NAV2: variants seen among roughly 807,000 people sequenced by gnomAD.
NAV2 encodes the protein neuron navigator 2.
In NAV2, 54 loss-of-function variants were observed where a neutral mutation model predicts 223.2. The observed-to-expected ratio is 0.24, with a 90% CI of 0.19 to 0.30. The LOEUF (loss-of-function observed/expected upper bound fraction) is 0.30, where lower values mean the gene tolerates loss of function less well. Ranked by LOEUF, NAV2 falls within the 10% of genes least tolerant of loss-of-function variation. The probability of loss-of-function intolerance (pLI) is 1.00; values close to 1 mark genes in which losing one functional copy is unlikely to be tolerated. For synonymous variants in NAV2, 1,279 were observed against 1,239.3 expected (o/e 1.03, Z -0.67); for missense variants, 2,806 against 3,147.5 (o/e 0.89, Z 2.60).
chr11:19,497,551 C>T (rs2403494), intron 1 of NAV2, among the ~76,000 whole-genome samples: 51,659 of 152,040 alleles, frequency 0.34, 9,205 homozygotes, highest in South Asian at 0.4. Flanking sequence ...CCCAGGCTCT[C>T]TTCCTATTTT....
At position 20,072,192 on chromosome 11, in the gene NAV2, G is replaced by A. The variant is rs560575694; in HGVS notation, c.4983+3794G>A. On this transcript the variant is annotated intron_variant, in intron 22 of 37. Transcript: ENST00000349880. ...TTTGCCAACACCATTTATTAAATAGGGAATCCTTTCCCCATTGCTTGTTTT... is the reference window on the plus strand; with the variant it reads ...TTTGCCAACACCATTTATTAAATAGAGAATCCTTTCCCCATTGCTTGTTTT... Among the ~76,000 whole-genome samples, 14 of 152,256 alleles carry A rather than the reference G, an allele frequency of 9.2e-5. No individual in the cohort carries two copies. In the East Asian group the frequency reaches 2.7e-3, roughly 29 times the overall value.
chr11:19,964,809 CT>C (rs71050695), intron 10 of NAV2, among the ~76,000 whole-genome samples: 85 of 57,532 alleles, frequency 1.5e-3, no homozygotes, highest in African/African-American at 2.2e-3. Context: ...CCTCATTCTA[CT>C]TTTTTTTTTT....
rs551517414 is a variant in NAV2 at position 19,921,945 on chromosome 11, G to GTGTGT, written c.932-11231_932-11230insTGTGT. 3.3e-5 allele frequency among the ~76,000 whole-genome samples: 5 copies of GTGTGT among 152,148 alleles called. No homozygotes were observed. In the South Asian group the frequency reaches 1.0e-3, roughly 32 times the overall value. ...ATTGCTATATATGTGTGTGTGTGTG[G>GTGTGT]GTATATAAATATATTTTGCCATGGA... is the stretch of plus-strand genomic sequence containing the variant. On this transcript the variant is annotated intron_variant, in intron 6 of 37. Transcript: ENST00000349880.
At chr11:19,501,630 T>G in intron 1 of NAV2, among the ~76,000 whole-genome samples, 1 of 152,038 alleles carries the variant, frequency 6.6e-6, no homozygotes, top group East Asian at 1.9e-4. Context: ...CAGACATGTT[T>G]CTGATTAAAA....
chr11:19,602,398 G>C (rs775316107), intron 1 of NAV2, among the ~76,000 whole-genome samples: 1 of 151,954 alleles, frequency 6.6e-6, no homozygotes, highest in Non-Finnish European at 1.5e-5. Flanking sequence ...GGCTGGTCTT[G>C]AGCTCCTGAC....
chr11:19,532,807 C>T (rs1481522732), intron 1 of NAV2, among the ~76,000 whole-genome samples: 1 of 152,180 alleles, frequency 6.6e-6, no homozygotes, highest in African/African-American at 2.4e-5. Flanking sequence ...AAAGGGTTGT[C>T]CCACATACAA....
chr11:19,818,679 T>C lies in NAV2; in HGVS notation c.268-13805T>C, dbSNP rs571671106. Among the ~76,000 whole-genome samples the C allele has an allele frequency of 7.2e-5, 11 of 152,304 alleles. No individual in the cohort carries two copies. The East Asian group carries it at 2.1e-3, about 29-fold the overall frequency. ...GTCCATGCCTGCCCTGGCATACCACTGTATGTGTGTTTGTATCTTTGAAAA... is the reference window on the plus strand; with the variant it reads ...GTCCATGCCTGCCCTGGCATACCACCGTATGTGTGTTTGTATCTTTGAAAA... On this transcript the variant is annotated intron_variant, in intron 1 of 37. Coordinates refer to ENST00000349880, the MANE Select transcript of NAV2 (RefSeq NM_145117.5).
intron 4 of NAV2, among the ~76,000 whole-genome samples, chr11:19,875,862 G>A (rs2062804876): frequency 6.6e-6 from 1 of 152,168 alleles, no homozygotes; most frequent in Non-Finnish European, 1.5e-5. Flanking sequence ...GCACACAGGG[G>A]ATGAGCAGAG....
At chr11:19,833,019 G>C (rs1302935310) in intron 2 of NAV2, among the ~76,000 whole-genome samples, 1 of 152,178 alleles carries the variant, frequency 6.6e-6, no homozygotes, top group Non-Finnish European at 1.5e-5. Flanking sequence ...ACTCTACTTG[G>C]GTCTGACAAA....
At chr11:19,554,033 C>G (rs909806686) in intron 1 of NAV2, among the ~76,000 whole-genome samples, 1 of 152,212 alleles carries the variant, frequency 6.6e-6, no homozygotes. Context: ...GCATTTCATA[C>G]TGAAAAGTTG....
chr11:19,363,950 C>G (rs1854111147), intron 1 of NAV2, among the ~76,000 whole-genome samples: 2 of 152,224 alleles, frequency 1.3e-5, no homozygotes, highest in East Asian at 3.8e-4. Context: ...ACCCGCCCAG[C>G]ACTTCCCTGT....
intron 1 of NAV2, among the ~76,000 whole-genome samples, chr11:19,707,731 T>TTG (rs1171040629): frequency 2.0e-5 from 3 of 152,228 alleles, no homozygotes; most frequent in East Asian, 3.8e-4. Context: ...CTATATAAAG[T>TTG]ATTAGGCACT....
At chr11:19,971,469 T>C (rs1267952114) in intron 10 of NAV2, among the ~76,000 whole-genome samples, 1 of 152,170 alleles carries the variant, frequency 6.6e-6, no homozygotes, top group African/African-American at 2.4e-5. Context: ...AAGAGAGAGC[T>C]GTGAGATTTC....
At chr11:19,510,247 T>G (rs149572308) in intron 1 of NAV2, among the ~76,000 whole-genome samples, 1 of 152,176 alleles carries the variant, frequency 6.6e-6, no homozygotes, top group African/African-American at 2.4e-5. Context: ...ACATTAAGTG[T>G]GTGAAGTCAT....
intron 1 of NAV2, among the ~76,000 whole-genome samples, chr11:19,733,728 G>A (rs903504548): frequency 5.9e-5 from 9 of 152,212 alleles, no homozygotes; most frequent in Admixed American, 1.3e-4. Flanking sequence ...AGGGGAAGGC[G>A]GGCTGAAAAT....
intron 10 of NAV2, among the ~76,000 whole-genome samples, chr11:19,968,723 G>T (rs2048978199): frequency 1.3e-5 from 2 of 152,228 alleles, no homozygotes. Flanking sequence ...GGTCTGTGTA[G>T]CAGTATCAGT....
At chr11:19,840,186 A>T (rs12291571) in intron 2 of NAV2, among the ~76,000 whole-genome samples, 3,684 of 152,268 alleles carry the variant, frequency 0.024, 144 homozygotes, top group African/African-American at 0.085. Flanking sequence ...TAGTCATTTG[A>T]TTCATCTCTT....
At chr11:19,461,171 C>T (rs367974230) in intron 1 of NAV2, among the ~76,000 whole-genome samples, 4 of 152,198 alleles carry the variant, frequency 2.6e-5, no homozygotes, top group African/African-American at 9.6e-5. Context: ...GTAAATGCCA[C>T]GGGAAAGTTG....
chr11:20,025,560 G>A (rs1228158465), intron 11 of NAV2, among the ~76,000 whole-genome samples: 2 of 152,164 alleles, frequency 1.3e-5, no homozygotes, highest in South Asian at 2.1e-4. Flanking sequence ...TTTCTAACGC[G>A]ACCAAGCTCC....
Sources: allele counts gnomAD v4.1 joint callset (sites outside exome capture counted in the v4.1 genomes callset), GRCh38; gene constraint gnomAD v4.1.1; transcripts MANE v1.5; gene names NCBI Gene and HGNC (gene_info 2026-07-23, HGNC 2026-07-21).